Variants in DGKB observed in about 807,000 individuals in gnomAD.
DGKB encodes diacylglycerol kinase beta, also known as 90 kDa diacylglycerol kinase.
DGKB carries 67 observed loss-of-function variants against 114.3 expected under a neutral mutation model. The observed-to-expected ratio is 0.59, with a 90% confidence interval of 0.48 to 0.72. The LOEUF is 0.72. Among genes scored for constraint, DGKB ranks in the 30% least tolerant of loss-of-function variants. The pLI is 0.00. For missense variants in DGKB, 907 were observed against 975.2 expected, an observed-to-expected ratio of 0.93 and a Z score of 0.93; for synonymous variants, 398 against 323.1, an observed-to-expected ratio of 1.23 and a Z score of -2.49.
chr7:14,745,425 T>A lies in DGKB; in HGVS notation c.168+8503A>T, dbSNP rs73064725. 1.6e-3 allele frequency among the ~76,000 whole-genome samples: 238 copies of A among 152,258 alleles called. 1 individual carries two copies. In the Middle Eastern group the frequency reaches 0.02, roughly 13 times the overall value. ...TTGTGTACCACTTTAGAGGGAAGAA[T>A]AATAGAAGTAGGAGGCAAATGCCTA... On this transcript the variant is annotated intron_variant, in intron 4 of 25. Coordinates refer to ENST00000402815, the MANE Select transcript of DGKB (RefSeq NM_001350709.2).
chr7:14,561,485 G>A (rs192066290), intron 20 of DGKB, among the ~76,000 whole-genome samples: 1 of 152,240 alleles, frequency 6.6e-6, no homozygotes, highest in East Asian at 1.9e-4. Context: ...GGCAGAAGAT[G>A]GAACAGTTTG....
intron 1 of DGKB, among the ~76,000 whole-genome samples, chr7:14,952,758 C>CA (rs1009760936): frequency 9.9e-5 from 15 of 151,746 alleles, no homozygotes; most frequent in Non-Finnish European, 1.8e-4. Context: ...GACTCTGTCT[C>CA]AAAATCAACA....
chr7:14,317,261 C>G (rs1411755479), intron 23 of DGKB, among the ~76,000 whole-genome samples: 1 of 91,388 alleles, frequency 1.1e-5, no homozygotes, highest in East Asian at 2.9e-4. Flanking sequence ...TCCTATTCAA[C>G]ATAGTGTTGG....
intron 17 of DGKB, among the ~76,000 whole-genome samples, chr7:14,601,402 G>C (rs1803523331): frequency 6.6e-6 from 1 of 152,030 alleles, no homozygotes; most frequent in South Asian, 2.1e-4. Flanking sequence ...CTCTTCCATT[G>C]TCTTGATGAA....
chr7:14,548,876 G>T (rs1794701032), intron 20 of DGKB, among the ~76,000 whole-genome samples: 1 of 151,860 alleles, frequency 6.6e-6, no homozygotes, highest in Non-Finnish European at 1.5e-5. Context: ...ATGATAAAAT[G>T]ACAGGATTTC....
upstream of DGKB, among the ~76,000 whole-genome samples, chr7:14,907,119 T>A (rs892570984): frequency 3.3e-5 from 5 of 152,200 alleles, no homozygotes; most frequent in African/African-American, 1.2e-4. Flanking sequence ...GGACATAAGC[T>A]GGAAGGCTAG....
intron 20 of DGKB, among the ~76,000 whole-genome samples, chr7:14,570,834 A>T (rs1335215756): frequency 6.6e-6 from 1 of 152,132 alleles, no homozygotes; most frequent in Non-Finnish European, 1.5e-5. Flanking sequence ...ATTGAAAAAA[A>T]AATCGATAAG....
At chr7:14,602,391 C>T (rs1239857213) in intron 17 of DGKB, among the ~76,000 whole-genome samples, 1 of 152,042 alleles carries the variant, frequency 6.6e-6, no homozygotes. Context: ...TTTTGGGGGA[C>T]CCAATCCAGA....
chr7:14,674,727 C>G (rs1012977810), intron 12 of DGKB, among the ~76,000 whole-genome samples: 5 of 152,018 alleles, frequency 3.3e-5, no homozygotes, highest in Non-Finnish European at 7.4e-5. Flanking sequence ...GGAGAAGTCC[C>G]TCTGATAACA....
intron 1 of DGKB, among the ~76,000 whole-genome samples, chr7:14,867,627 C>T (rs1851874792): frequency 6.6e-6 from 1 of 151,984 alleles, no homozygotes; most frequent in South Asian, 2.1e-4. Context: ...TTATAAACCT[C>T]TAAATATGTA....
At chr7:14,650,961 T>C (rs1814330402) in intron 13 of DGKB, among the ~76,000 whole-genome samples, 1 of 152,012 alleles carries the variant, frequency 6.6e-6, no homozygotes, top group Admixed American at 6.6e-5. Flanking sequence ...AAGTTGAATC[T>C]CTTAATAGAC....
At chr7:14,814,629 C>A (rs911934889) in intron 2 of DGKB, among the ~76,000 whole-genome samples, 2 of 152,102 alleles carry the variant, frequency 1.3e-5, no homozygotes, top group Non-Finnish European at 2.9e-5. Flanking sequence ...TGTGATTGAG[C>A]TAAGAATTCT....
intron 13 of DGKB, among the ~76,000 whole-genome samples, chr7:14,643,383 C>T (rs916062222): frequency 6.6e-6 from 1 of 151,986 alleles, no homozygotes; most frequent in Admixed American, 6.6e-5. Context: ...ACTGGGTGCC[C>T]TACACTCCTG....
chr7:14,538,635 G>C (rs989471596), intron 20 of DGKB, among the ~76,000 whole-genome samples: 1 of 152,096 alleles, frequency 6.6e-6, no homozygotes, highest in African/African-American at 2.4e-5. Context: ...TTTTGAATAT[G>C]TATCTGAAAT....
chr7:14,881,772 A>G (rs1854274094), intron 1 of DGKB, among the ~76,000 whole-genome samples: 1 of 152,086 alleles, frequency 6.6e-6, no homozygotes, highest in African/African-American at 2.4e-5. Context: ...TGAAATGCTA[A>G]TGATTCTTCT....
chr7:14,224,470 G>A (rs1049912540), intron 23 of DGKB, among the ~76,000 whole-genome samples: 7 of 151,896 alleles, frequency 4.6e-5, no homozygotes, highest in Non-Finnish European at 7.4e-5. Flanking sequence ...GGCTTTGTCT[G>A]TTTAACTCAA....
At chr7:14,297,350 T>C (rs1802758917) in intron 23 of DGKB, among the ~76,000 whole-genome samples, 1 of 152,156 alleles carries the variant, frequency 6.6e-6, no homozygotes, top group African/African-American at 2.4e-5. Flanking sequence ...AAAAAGCGTA[T>C]TCACCACAGT....
At chr7:14,499,446 C>T (rs1270078595) in intron 20 of DGKB, among the ~76,000 whole-genome samples, 1 of 151,710 alleles carries the variant, frequency 6.6e-6, no homozygotes, top group African/African-American at 2.4e-5. Context: ...TCCACAAAAA[C>T]ATTATTGGCT....
chr7:14,769,228 G>GAGAGAGAAAGAAAGAA (rs1554265921), intron 2 of DGKB, among the ~76,000 whole-genome samples: 26 of 119,680 alleles, frequency 2.2e-4, no homozygotes, highest in South Asian at 2.1e-3. Flanking sequence ...GAAAGAGAGA[G>GAGAGAGAAAGAAAGAA]AGAAAGAAAG....
Sources: allele counts gnomAD v4.1 joint callset (sites outside exome capture counted in the v4.1 genomes callset), GRCh38; gene constraint gnomAD v4.1.1; transcripts MANE v1.5; gene names NCBI Gene and HGNC (gene_info 2026-07-23, HGNC 2026-07-21).